Variants in RFTN1 observed in about 807,000 individuals in gnomAD.
RFTN1 encodes raftlin, lipid raft linker 1.
Under a neutral mutation model 46.5 loss-of-function variants are expected in RFTN1, and 26 were observed. That is an observed-to-expected ratio of 0.56 (90% CI 0.41 to 0.78). The LOEUF (loss-of-function observed/expected upper bound fraction) is 0.78. Among genes scored for constraint, RFTN1 ranks in the 30% least tolerant of loss-of-function variants. The pLI is 0.00. For synonymous variants in RFTN1, 261 were observed against 284.2 expected (o/e 0.92, Z 0.82); for missense variants, 693 against 718.7 (o/e 0.96, Z 0.41).
intron 6 of RFTN1, among the ~76,000 whole-genome samples, chr3:16,369,717 A>G (rs773675919): frequency 2.0e-5 from 3 of 152,224 alleles, no homozygotes; most frequent in Admixed American, 1.3e-4. Context: ...TAGTGTCTAC[A>G]AACAATTTGC....
At position 16,338,225 on chromosome 3, in the gene RFTN1, T is replaced by A. The variant is rs2071043410; in HGVS notation, c.1147-11349A>T. ...GGGCAGGAGATGGCATGCATCCTTA[T>A]TATCAGGGGTGTCTGCCCACACACA... On this transcript the variant is annotated intron_variant, in intron 7 of 9. Transcript: ENST00000334133. The surrounding 1 kb of genome is among the most constrained non-coding windows in gnomAD (Gnocchi z 5.3). Among the ~76,000 whole-genome samples, 1 of 152,218 alleles carries A rather than the reference T, an allele frequency of 6.6e-6. No homozygotes were observed. Among genetic ancestry groups the A allele is most frequent in the Non-Finnish European group, 1.5e-5 (1 of 68,040 alleles).
At chr3:16,398,244 CAA>C (rs202032095) in intron 4 of RFTN1, among the ~76,000 whole-genome samples, 1,420 of 109,264 alleles carry the variant, frequency 0.013, no homozygotes, top group Non-Finnish European at 0.022. Context: ...AAGACTGTCT[CAA>C]AAAAAAAAAA....
rs898551203 is a variant in RFTN1, at chr3:16,472,114, T to C, written c.145+21611A>G. The C allele has an allele frequency of 5.4e-5, 8 of 149,250 alleles. No homozygotes were observed. In the South Asian group the frequency reaches 9.0e-4, roughly 17 times the overall value. The allele number at this position is 149,250 out of a possible 1,614,324, so 9.2% of individuals were successfully genotyped here. On this transcript the variant is annotated intron_variant, in intron 2 of 9. Transcript: ENST00000334133. ...AACAGCTGACACAGCATTAAAGAAG[T>C]TAAGCTGTTAAAAAAAAAAAAGGCT...
In RFTN1 at chr3:16,317,785, C is replaced by G. The variant is rs1396983478; in HGVS notation, c.1333-553G>C. On this transcript the variant is annotated intron_variant, in intron 9 of 9. Transcript: ENST00000334133. This position sits in a 1 kb window ranked among gnomAD's most constrained non-coding sequence, Gnocchi z 4.3. Reference sequence around the variant, plus strand: ...CCCCAGCTAGGCCGATAGCCCTTTGCTGACCACCACCTCACAGAAGGGTCA... The same window carrying G: ...CCCCAGCTAGGCCGATAGCCCTTTGGTGACCACCACCTCACAGAAGGGTCA... Among the ~76,000 whole-genome samples, 2 of 152,038 alleles carry G rather than the reference C, an allele frequency of 1.3e-5. No individual in the cohort carries two copies. Among genetic ancestry groups the G allele is most frequent in the East Asian group, 3.8e-4 (2 of 5,198 alleles).
rs566404678 is a variant in RFTN1, at chr3:16,406,085, C to A, written c.441+3290G>T. On this transcript the variant is annotated intron_variant, in intron 4 of 9. Transcript: ENST00000334133. The stretch of plus-strand genomic sequence containing the variant: ...CTTCTTCCTGGGAAGCACCTGTGGT[C>A]TTCTACCTGGTGTGATGACAGAAAA... Among the ~76,000 whole-genome samples, 12 of 152,300 alleles carry A rather than the reference C, an allele frequency of 7.9e-5. No individual in the cohort carries two copies. The South Asian group carries it at 2.5e-3, about 32-fold the overall frequency.
intron 8 of RFTN1, among the ~76,000 whole-genome samples, chr3:16,324,063 G>A (rs1402466313): frequency 6.6e-6 from 1 of 152,198 alleles, no homozygotes; most frequent in Non-Finnish European, 1.5e-5. Context: ...AGGACCTGGA[G>A]CTGCCTCTAA....
chr3:16,390,833 A>T (rs996785088), intron 4 of RFTN1, among the ~76,000 whole-genome samples: 3 of 152,238 alleles, frequency 2.0e-5, no homozygotes, highest in Admixed American at 2.0e-4. Flanking sequence ...TGGAAACAAA[A>T]TTTCTACACC....
Position 16,500,751 on chromosome 3 carries a change from G to C in RFTN1, c.-8-6874C>G, listed in dbSNP as rs747204301. ...CTTACAGGAGCTATCAGTTCCATGA[G>C]GGAGGGAAATTATGTTCCAAATTCA... is the stretch of plus-strand genomic sequence containing the variant. On this transcript the variant is annotated intron_variant, in intron 1 of 9. Coordinates refer to ENST00000334133, the MANE Select transcript of RFTN1 (RefSeq NM_015150.2). This position sits in a 1 kb window ranked among gnomAD's most constrained non-coding sequence, Gnocchi z 5.9. Among the ~76,000 whole-genome samples the C allele has an allele frequency of 6.6e-6, 1 of 152,182 alleles. No individual in the cohort carries two copies. Among genetic ancestry groups the C allele is most frequent in the Admixed American group, 6.5e-5 (1 of 15,288 alleles).
chr3:16,464,197 G>A (rs938114841), intron 2 of RFTN1, among the ~76,000 whole-genome samples: 3 of 152,106 alleles, frequency 2.0e-5, no homozygotes, highest in African/African-American at 7.2e-5. Flanking sequence ...CTCCACTCCA[G>A]TCCCAAGAGA....
chr3:16,429,160 G>C lies in RFTN1; in HGVS notation c.332+4691C>G, dbSNP rs548817534. On this transcript the variant is annotated intron_variant, in intron 3 of 9. Transcript: ENST00000334133. This position sits in a 1 kb window ranked among gnomAD's most constrained non-coding sequence, Gnocchi z 6.4. ...TACAGTTAGATGTGTGGCTAGGCCT[G>C]CCATGGTAAAATGAAATGGCAGTTA... Among the ~76,000 whole-genome samples the C allele has an allele frequency of 6.6e-6, 1 of 152,352 alleles. No homozygotes were observed. Among genetic ancestry groups the C allele is most frequent in the African/African-American group, 2.4e-5 (1 of 41,574 alleles).
chr3:16,459,474 T>C lies in RFTN1; in HGVS notation c.146-25437A>G, dbSNP rs2075971061. Reference sequence around the variant, plus strand: ...AGCCAGGAATAGCAGCGTGTGCCTTTATCCCAGCTACTTGGAGACTAAGGT... The same window carrying C: ...AGCCAGGAATAGCAGCGTGTGCCTTCATCCCAGCTACTTGGAGACTAAGGT... On this transcript the variant is annotated intron_variant, in intron 2 of 9. Coordinates refer to ENST00000334133, the MANE Select transcript of RFTN1 (RefSeq NM_015150.2). This position sits in a 1 kb window ranked among gnomAD's most constrained non-coding sequence, Gnocchi z 4.2. Among the ~76,000 whole-genome samples the C allele has an allele frequency of 6.6e-6, 1 of 152,192 alleles. No homozygotes were observed. Among genetic ancestry groups the C allele is most frequent in the Non-Finnish European group, 1.5e-5 (1 of 68,032 alleles).
At chr3:16,476,526 G>C (rs1383331161) in intron 2 of RFTN1, among the ~76,000 whole-genome samples, 1 of 152,194 alleles carries the variant, frequency 6.6e-6, no homozygotes, top group Non-Finnish European at 1.5e-5. Flanking sequence ...AAGGAAAGAG[G>C]CTGTTTGGGG....
At chr3:16,395,145 A>C (rs544707332) in intron 4 of RFTN1, among the ~76,000 whole-genome samples, 2 of 152,378 alleles carry the variant, frequency 1.3e-5, no homozygotes, top group Admixed American at 1.3e-4. Flanking sequence ...ATTATTTCAA[A>C]TATATTCCTC....
chr3:16,364,254 G>A (rs989314761), intron 6 of RFTN1, among the ~76,000 whole-genome samples: 4 of 152,236 alleles, frequency 2.6e-5, no homozygotes, highest in Non-Finnish European at 5.9e-5. Context: ...TCTGCCAGAT[G>A]CAGTTCAAGG....
Position 16,391,878 on chromosome 3 carries a change from T to G in RFTN1, c.442-13776A>C, listed in dbSNP as rs1290737504. ...CAAAGGTTTTTTTTTTGTTTTTTTT[T>G]TTTGTTTTTTTTTTTGTTTTTTTTA... On this transcript the variant is annotated intron_variant, in intron 4 of 9. Transcript: ENST00000334133. Among the ~76,000 whole-genome samples the G allele has an allele frequency of 1.1e-3, 67 of 58,954 alleles. 7 individuals are homozygous for G. Among genetic ancestry groups the G allele is most frequent in the East Asian group, 7.2e-4 (2 of 2,788 alleles). The allele number at this position is 58,954 out of a possible 152,430, so 38.7% of individuals were successfully genotyped here. A position where few individuals can be genotyped will look rare whatever the true frequency, so the allele number is the denominator to read the frequency against.
rs2076506422 is a variant in RFTN1 at position 16,489,499 on chromosome 3, G to A, written c.145+4226C>T. 6.6e-6 allele frequency among the ~76,000 whole-genome samples: 1 copy of A among 152,192 alleles called. No homozygotes were observed. Among genetic ancestry groups the A allele is most frequent in the Non-Finnish European group, 1.5e-5 (1 of 68,036 alleles). On this transcript the variant is annotated intron_variant, in intron 2 of 9. Transcript: ENST00000334133. This position sits in a 1 kb window ranked among gnomAD's most constrained non-coding sequence, Gnocchi z 4.0. ...CAAAGGGGCATGAGGAAACTTCTGG[G>A]GCAATGGAAATGTTCTGCATCTTGA...
Position 16,413,333 on chromosome 3 carries a change from G to C in RFTN1, c.333-3850C>G, listed in dbSNP as rs1253658473. On this transcript the variant is annotated intron_variant, in intron 3 of 9. Transcript: ENST00000334133. This position sits in a 1 kb window ranked among gnomAD's most constrained non-coding sequence, Gnocchi z 4.7. ...TGTCCTAGAAGTGACCTCCAGGGCT[G>C]TGGCCTGGTTGTCCAAGATACCACA... Among the ~76,000 whole-genome samples, 1 of 152,266 alleles carries C rather than the reference G, an allele frequency of 6.6e-6. No individual in the cohort carries two copies. The highest frequency in any genetic ancestry group is 1.9e-4 in the East Asian group (1 of 5,192).
At position 16,387,575 on chromosome 3, in the gene RFTN1, TCTC is replaced by T. The variant is rs1201366127; in HGVS notation, c.442-9476_442-9474del. ...CTCTCTTCTATATCCTCAATTTCTC[TCTC>T]TCTCTCTCTCTCTCTCTCTCTCTCT... On this transcript the variant is annotated intron_variant, in intron 4 of 9. Coordinates refer to ENST00000334133, the MANE Select transcript of RFTN1 (RefSeq NM_015150.2). This position sits in a 1 kb window ranked among gnomAD's most constrained non-coding sequence, Gnocchi z 5.2. Among the ~76,000 whole-genome samples, 7 of 42,950 alleles carry T rather than the reference TCTC, an allele frequency of 1.6e-4. No individual in the cohort carries two copies. The highest frequency in any genetic ancestry group is 2.0e-4 in the Non-Finnish European group (3 of 15,344). The allele number at this position is 42,950 out of a possible 152,430, so 28.2% of individuals were successfully genotyped here. A position where few individuals can be genotyped will look rare whatever the true frequency, so the allele number is the denominator to read the frequency against.
chr3:16,347,096 CT>C (rs1025071542), intron 7 of RFTN1, among the ~76,000 whole-genome samples: 51 of 152,332 alleles, frequency 3.3e-4, no homozygotes, highest in African/African-American at 1.2e-3. Flanking sequence ...TTCCCCCATT[CT>C]GGCCCTTTCT....
Sources: allele counts gnomAD v4.1 joint callset (sites outside exome capture counted in the v4.1 genomes callset), GRCh38; gene constraint gnomAD v4.1.1; non-coding constraint Gnocchi (gnomAD v3.1); transcripts MANE v1.5; gene names NCBI Gene and HGNC (gene_info 2026-07-23, HGNC 2026-07-21).